NLRP5: variants seen among roughly 807,000 people sequenced by gnomAD.
The protein encoded by NLRP5 is NACHT, LRR and PYD domains-containing protein 5.
NLRP5 carries 93 observed loss-of-function variants against 113.1 expected under a neutral mutation model. The observed-to-expected ratio is 0.82, with a 90% CI of 0.70 to 0.98. The LOEUF (loss-of-function observed/expected upper bound fraction) is 0.98. Ranked by LOEUF, NLRP5 falls within the 50% of genes least tolerant of loss-of-function variation. The pLI is 0.00. For synonymous variants in NLRP5, 751 were observed against 600.7 expected (o/e 1.25, Z -3.66); for missense variants, 1,808 against 1,514.3 (o/e 1.19, Z -3.22).
intron 3 of NLRP5, among the ~76,000 whole-genome samples, chr19:56,010,340 C>G (rs1008749104): frequency 1.3e-5 from 2 of 152,154 alleles, no homozygotes; most frequent in African/African-American, 4.8e-5. Context: ...CAGGTGTTAT[C>G]CACGTACAAA....
At chr19:56,060,634 G>T (rs1413283369) in intron 14 of NLRP5, among the ~76,000 whole-genome samples, 10 of 152,164 alleles carry the variant, frequency 6.6e-5, no homozygotes, top group South Asian at 4.1e-4. Flanking sequence ...GGACTGAAAG[G>T]TCATGCCTGC....
At chr19:56,011,896 TG>T (rs919413474) in intron 3 of NLRP5, among the ~76,000 whole-genome samples, 29 of 151,992 alleles carry the variant, frequency 1.9e-4, no homozygotes, top group Admixed American at 1.3e-4. Flanking sequence ...TTCACCGTAT[TG>T]GTCAGGCTGG....
chr19:55,999,300 T>C (rs1981524380), upstream of NLRP5, among the ~76,000 whole-genome samples: 1 of 147,666 alleles, frequency 6.8e-6, no homozygotes, highest in South Asian at 2.1e-4. Context: ...CTGCAACCTC[T>C]GCCTCCCAGG....
At position 56,027,116 on chromosome 19, in the gene NLRP5, C is replaced by G. The variant is rs1292394589; in HGVS notation, c.883C>G (p.Leu295Val). ...AAAGTCAGGAATTGGGAAATCGGCTCTAGCCAGAAGGATCGTGCTGTGCTG... is the reference window on the plus strand; with the variant it reads ...AAAGTCAGGAATTGGGAAATCGGCTGTAGCCAGAAGGATCGTGCTGTGCTG... The change falls in exon 7 of 15, where the codon CTA (leucine) becomes GTA (valine). Residue 295 changes from leucine (L) to valine (V), a missense_variant. Transcript: ENST00000390649. 6.3e-7 allele frequency: 1 copy of G among 1,585,676 alleles called. No homozygotes were observed. Among genetic ancestry groups the G allele is most frequent in the Admixed American group, 1.8e-5 (1 of 55,276 alleles).
chr19:55,990,774 G>A, the NLRP5 span, among the ~76,000 whole-genome samples: 1 of 152,146 alleles, frequency 6.6e-6, no homozygotes, highest in Non-Finnish European at 1.5e-5. Flanking sequence ...GCAGTGAGCC[G>A]AGATGGTGCC....
intron 1 of NLRP5, among the ~76,000 whole-genome samples, chr19:56,003,359 G>T (rs1424012392): frequency 6.6e-6 from 1 of 152,126 alleles, no homozygotes; most frequent in African/African-American, 2.4e-5. Flanking sequence ...TCACCATGTT[G>T]GCCAGGCTGG....
intron 2 of NLRP5, among the ~76,000 whole-genome samples, chr19:56,007,416 G>A (rs1981967427): frequency 6.7e-6 from 1 of 149,412 alleles, no homozygotes; most frequent in African/African-American, 2.5e-5. Context: ...GGGAAGTTTA[G>A]AATCACTTCC....
At chr19:56,016,297 G>A (rs147764318) in intron 4 of NLRP5, among the ~76,000 whole-genome samples, 15,992 of 152,014 alleles carry the variant, frequency 0.11, 1,079 homozygotes, top group African/African-American at 0.17. Context: ...GGGGCTACAG[G>A]CATGCACCAC....
At position 56,061,187 on chromosome 19, in the gene NLRP5, G is replaced by T. The variant is rs560923691; in HGVS notation, c.3471-209G>T. On this transcript the variant is annotated intron_variant, in intron 14 of 14. Transcript: ENST00000390649. ...CAGTTCTTTCATAAGTGGAGGGGGA[G>T]TCTCCATGTTTCAGCAAGCTGTTTC... Among the ~76,000 whole-genome samples the T allele has an allele frequency of 8.9e-4, 136 of 152,312 alleles. 2 individuals carry two copies. Among genetic ancestry groups the T allele is most frequent in the Non-Finnish European group, 1.1e-3 (74 of 68,034 alleles).
intron 6 of NLRP5, among the ~76,000 whole-genome samples, chr19:56,024,051 C>T (rs1982718562): frequency 6.6e-6 from 1 of 151,902 alleles, no homozygotes; most frequent in Admixed American, 6.6e-5. Context: ...TCTCATGGAG[C>T]TTACATTATA....
At chr19:56,041,520 T>A (rs1032824749) in intron 11 of NLRP5, among the ~76,000 whole-genome samples, 3 of 152,198 alleles carry the variant, frequency 2.0e-5, no homozygotes, top group African/African-American at 2.4e-5. Flanking sequence ...TTCGTTAACA[T>A]TGAGCACATG....
At chr19:56,024,154 T>C (rs953051315) in intron 6 of NLRP5, among the ~76,000 whole-genome samples, 2 of 151,888 alleles carry the variant, frequency 1.3e-5, no homozygotes. Flanking sequence ...TGTGATAAGT[T>C]TCATTTTTTC....
the NLRP5 span, chr19:55,987,736 G>A: frequency 1.1e-5 from 12 of 1,067,626 alleles, no homozygotes; most frequent in African/African-American, 1.2e-4. Context: ...AAAGCATAGA[G>A]ACAAAATGCA....
intron 3 of NLRP5, among the ~76,000 whole-genome samples, chr19:56,013,596 G>GTTTTTTTTTTGTTTTTTTTTTTTTTT (rs1982288056): frequency 1.7e-5 from 1 of 59,284 alleles, no homozygotes; most frequent in African/African-American, 8.7e-5. Context: ...GGACATTTGG[G>GTTTTTTTTTTGTTTTTTTTTTTTTTT]TTTTTTTTTT....
At position 56,061,641 on chromosome 19, in the gene NLRP5, C is replaced by G. The variant is rs1453873225; in HGVS notation, c.*113C>G. The G allele has an allele frequency of 6.8e-6, 8 of 1,184,026 alleles. No homozygotes were observed. Among genetic ancestry groups the G allele is most frequent in the African/African-American group, 1.5e-5 (1 of 66,128 alleles). The allele number at this position is 1,184,026 out of a possible 1,614,324, so 73.3% of individuals were successfully genotyped here. ...CCTTCTCAAAGATGGAGAATGATTT[C>G]TGATTCTCACAAAGCCCTCAATGGT... On this transcript the variant is annotated 3_prime_UTR_variant, in exon 15 of 15. Coordinates refer to ENST00000390649, the MANE Select transcript of NLRP5 (RefSeq NM_153447.4).
At chr19:56,007,178 CA>C (rs1184653472) in intron 2 of NLRP5, among the ~76,000 whole-genome samples, 1 of 151,298 alleles carries the variant, frequency 6.6e-6, no homozygotes, top group African/African-American at 2.5e-5. Flanking sequence ...GCCTGTCTAA[CA>C]CGGTAAAACC....
At chr19:56,056,427 T>TA (rs2123343903) in intron 13 of NLRP5, among the ~76,000 whole-genome samples, 1 of 152,180 alleles carries the variant, frequency 6.6e-6, no homozygotes, top group East Asian at 1.9e-4. Flanking sequence ...CTTGGTGGCG[T>TA]ACGCCTGTAA....
chr19:56,015,833 C>CTGGA lies in NLRP5; in HGVS notation c.565+36_565+39dup, dbSNP rs751120470. 2.4e-5 allele frequency: 37 copies of CTGGA among 1,511,572 alleles called. No homozygotes were observed. In the Middle Eastern group the frequency reaches 6.8e-4, roughly 28 times the overall value. 93.6% of individuals were successfully genotyped at this position (1,511,572 alleles called of 1,614,324 possible). ...ATAGATCTATTCATTTGTTGCCCTCCTGGAAGAAAGTTGGGTGAGAGAAGT... is the reference window on the plus strand; with the variant it reads ...ATAGATCTATTCATTTGTTGCCCTCCTGGATGGAAGAAAGTTGGGTGAGAGAAGT... On this transcript the variant is annotated intron_variant, in intron 4 of 14. Coordinates refer to ENST00000390649, the MANE Select transcript of NLRP5 (RefSeq NM_153447.4).
intron 3 of NLRP5, among the ~76,000 whole-genome samples, chr19:56,010,780 A>G (rs1982157790): frequency 8.3e-6 from 1 of 119,902 alleles, no homozygotes; most frequent in African/African-American, 3.0e-5. Context: ...AGCCAACCCA[A>G]TAAATGCAGT....
Sources: gnomAD v4.1 joint callset for allele counts (sites outside exome capture counted in the v4.1 genomes callset) on GRCh38, gnomAD v4.1.1 for gene constraint, MANE v1.5 for transcripts, NCBI Gene and HGNC (gene_info 2026-07-23, HGNC 2026-07-21) for gene names.